Variants in COXFA4 observed in about 807,000 individuals in gnomAD.
The protein encoded by COXFA4 is cytochrome c oxidase associated subunit FA4, also known as cytochrome c oxidase subunit FA4.
At chr7:10,939,354 ACT>A in the COXFA4 span, 1 of 193,492 alleles carries the variant, frequency 5.2e-6, no homozygotes, top group South Asian at 8.9e-5. Context: ...TATTACAAAT[ACT>A]GGCTTTAAGC....
At chr7:10,936,034 A>T in the COXFA4 span, among the ~76,000 whole-genome samples, 1 of 152,188 alleles carries the variant, frequency 6.6e-6, no homozygotes, top group Non-Finnish European at 1.5e-5. Flanking sequence ...TCCCACAGCA[A>T]GTCACAAATC....
chr7:10,932,499 T>C, the COXFA4 span: 1 of 152,222 alleles, frequency 6.6e-6, no homozygotes, highest in East Asian at 1.9e-4. Flanking sequence ...GTTCCTGACA[T>C]TTAAAATGTG....
the COXFA4 span, chr7:10,932,272 T>G: frequency 1.3e-5 from 2 of 152,142 alleles, no homozygotes; most frequent in African/African-American, 4.8e-5. Context: ...AGTGGCAAGG[T>G]TGAGAAACCC....
the COXFA4 span, among the ~76,000 whole-genome samples, chr7:10,935,548 A>C: frequency 6.6e-6 from 1 of 152,164 alleles, no homozygotes; most frequent in Non-Finnish European, 1.5e-5. Context: ...GTAACCTCAA[A>C]CGCCAATGGT....
the COXFA4 span, chr7:10,938,177 T>C: frequency 9.4e-6 from 15 of 1,587,936 alleles, no homozygotes; most frequent in African/African-American, 1.3e-5. Flanking sequence ...ACGACTGTTA[T>C]AATAATAAAG....
At chr7:10,939,925 G>A in the COXFA4 span, 1 of 1,447,304 alleles carries the variant, frequency 6.9e-7, no homozygotes, top group East Asian at 2.3e-5. Context: ...GTAAGTGGCT[G>A]TAAATGAGGA....
At chr7:10,939,971 CAAG>C in the COXFA4 span, 498 of 1,611,268 alleles carry the variant, frequency 3.1e-4, 1 homozygote, top group African/African-American at 5.6e-3. Context: ...CACCCCGACG[CAAG>C]AAGGACAAGG....
At chr7:10,938,969 T>C in the COXFA4 span, 1 of 1,134,922 alleles carries the variant, frequency 8.8e-7, no homozygotes. Context: ...TTACAGTAGT[T>C]TCTGCACATT....
At chr7:10,938,613 C>T in the COXFA4 span, 2 of 529,390 alleles carry the variant, frequency 3.8e-6, no homozygotes, top group Non-Finnish European at 6.8e-6. Flanking sequence ...AAAGAGAAAA[C>T]GAGACTCAGA....
chr7:10,938,888 G>A, the COXFA4 span: 22 of 1,612,384 alleles, frequency 1.4e-5, no homozygotes, highest in Non-Finnish European at 1.8e-5. Context: ...ATACAAAGAG[G>A]GGGATCAACT....
the COXFA4 span, among the ~76,000 whole-genome samples, chr7:10,935,936 A>G: frequency 6.6e-6 from 1 of 152,192 alleles, no homozygotes; most frequent in Non-Finnish European, 1.5e-5. Flanking sequence ...CTTACTTGTC[A>G]ATTTTGGTCT....
the COXFA4 span, chr7:10,938,381 A>T: frequency 1.9e-6 from 1 of 521,684 alleles, no homozygotes; most frequent in Non-Finnish European, 3.4e-6. Flanking sequence ...TCTGGCTTTC[A>T]CAAAACCTTT....
the COXFA4 span, among the ~76,000 whole-genome samples, chr7:10,934,201 G>A: frequency 2.6e-5 from 4 of 151,968 alleles, no homozygotes; most frequent in African/African-American, 9.7e-5. Context: ...TAACTTCTAA[G>A]ATATTTTCTC....
the COXFA4 span, chr7:10,938,204 G>T: frequency 7.0e-7 from 1 of 1,431,646 alleles, no homozygotes; most frequent in Non-Finnish European, 9.8e-7. Context: ...TTAGTGTTTT[G>T]TACTAAGAAT....
At chr7:10,938,879 T>C in the COXFA4 span, 1 of 1,613,350 alleles carries the variant, frequency 6.2e-7, no homozygotes, top group Admixed American at 1.7e-5. Flanking sequence ...TTCCAATAAA[T>C]ACAAAGAGGG....
the COXFA4 span, chr7:10,939,116 C>G: frequency 4.2e-6 from 2 of 475,748 alleles, no homozygotes; most frequent in East Asian, 7.5e-5. Flanking sequence ...TAAGATGACT[C>G]TGGTTTAAGT....
chr7:10,940,045 T>A, the COXFA4 span: 4 of 1,613,798 alleles, frequency 2.5e-6, no homozygotes, highest in Non-Finnish European at 3.4e-6. Flanking sequence ...TGACCGATGA[T>A]CTGGCGGAGC....
the COXFA4 span, chr7:10,940,134 A>G: frequency 7.0e-7 from 1 of 1,420,262 alleles, no homozygotes; most frequent in Non-Finnish European, 9.9e-7. Context: ...ATTATCTGCA[A>G]TGAGACACTA....
chr7:10,937,981 T>C, the COXFA4 span: 1 of 881,260 alleles, frequency 1.1e-6, no homozygotes, highest in South Asian at 1.4e-5. Flanking sequence ...TCTTTAAAGT[T>C]CAATATAATG....
Sources: allele counts gnomAD v4.1 joint callset (sites outside exome capture counted in the v4.1 genomes callset), GRCh38; gene constraint gnomAD v4.1.1; transcripts MANE v1.5; gene names NCBI Gene and HGNC (gene_info 2026-07-23, HGNC 2026-07-21).